The following LGR4 variants were observed in gnomAD, a reference collection of about 807,000 sequenced individuals.
LGR4 encodes leucine rich repeat containing G protein-coupled receptor 4.
In LGR4, 44 loss-of-function variants were observed where a neutral mutation model predicts 84.8. The ratio of observed to expected loss-of-function variants is 0.52; its 90% CI spans 0.41 to 0.67. The LOEUF (loss-of-function observed/expected upper bound fraction) is 0.67. Among genes scored for constraint, LGR4 ranks in the 30% least tolerant of loss-of-function variants. LGR4 has a pLI of 0.00. For synonymous variants in LGR4, 429 were observed against 434.3 expected, an observed-to-expected ratio of 0.99 and a Z score of 0.15; for missense variants, 1,032 against 1,131.4, an observed-to-expected ratio of 0.91 and a Z score of 1.26.
intron 11 of LGR4, 30 bp from the exon 12 acceptor site, chr11:27,377,253 G>T: frequency 8.8e-7 from 1 of 1,134,208 alleles, no homozygotes; most frequent in Non-Finnish European, 1.3e-6. Context: ...ACAAATTAAT[G>T]CTATGTTATC....
chr11:27,398,376 A>G (rs961536117), intron 2 of LGR4, among the ~76,000 whole-genome samples: 1 of 152,228 alleles, frequency 6.6e-6, no homozygotes, highest in African/African-American at 2.4e-5. Flanking sequence ...CAAGTGTGAA[A>G]TAGAGAATTT....
intron 2 of LGR4, among the ~76,000 whole-genome samples, chr11:27,406,062 A>G (rs1203992978): frequency 6.6e-6 from 1 of 151,956 alleles, no homozygotes; most frequent in Non-Finnish European, 1.5e-5. Flanking sequence ...CAACCAAACC[A>G]ACCATTTTTA....
intron 1 of LGR4, among the ~76,000 whole-genome samples, chr11:27,435,037 A>T (rs1338696620): frequency 3.9e-5 from 6 of 152,144 alleles, no homozygotes; most frequent in African/African-American, 1.4e-4. Flanking sequence ...CTGACGAGCT[A>T]CTTATAGATA....
chr11:27,450,549 G>A (rs1020271068), intron 1 of LGR4, among the ~76,000 whole-genome samples: 2 of 152,106 alleles, frequency 1.3e-5, no homozygotes, highest in African/African-American at 4.8e-5. Context: ...AGTACTTTGA[G>A]AAGCCGAGGT....
rs1466944806 is a variant in LGR4 at position 27,368,380 on chromosome 11, T to C, written c.2343A>G (p.Ile781Met). 1.9e-6 allele frequency: 3 copies of C among 1,614,152 alleles called. No individual in the cohort carries two copies. Among genetic ancestry groups the C allele is most frequent in the Non-Finnish European group, 1.7e-6 (2 of 1,180,030 alleles). ...AAAATATCAGAGTAACAGACTTCATTATTTCGGGGCTGATAGAGATTGCAG... is the reference window on the plus strand; with the variant it reads ...AAAATATCAGAGTAACAGACTTCATCATTTCGGGGCTGATAGAGATTGCAG... ...LITAISISPE[I>M]MKSVTLIFFP... The change falls in exon 18 of 18, where the codon ATA (isoleucine) becomes ATG (methionine). Residue 781 changes from isoleucine to methionine, a missense_variant. By Grantham distance (10) the Ile-to-Met change is conservative. Coordinates refer to ENST00000379214, the MANE Select transcript of LGR4 (RefSeq NM_018490.5).
chr11:27,469,632 A>T (rs979363134), intron 1 of LGR4, among the ~76,000 whole-genome samples: 6 of 152,230 alleles, frequency 3.9e-5, no homozygotes, highest in African/African-American at 1.4e-4. Flanking sequence ...GAAGAAAATG[A>T]AGAACTCTGA....
At chr11:27,372,254 G>C (rs1862898304) in intron 16 of LGR4, 29 bp downstream of exon 16, 1 of 1,224,276 alleles carries the variant, frequency 8.2e-7, no homozygotes, top group Non-Finnish European at 1.2e-6. Context: ...TTAAAGGAGT[G>C]TTCTATTTTT....
chr11:27,448,208 C>T (rs1864424212), intron 1 of LGR4, among the ~76,000 whole-genome samples: 1 of 151,806 alleles, frequency 6.6e-6, no homozygotes, highest in African/African-American at 2.4e-5. Context: ...CTAGTAAGAC[C>T]TAGTTTAATA....
At chr11:27,370,561 A>T (rs1320081462) in intron 17 of LGR4, among the ~76,000 whole-genome samples, 2 of 152,130 alleles carry the variant, frequency 1.3e-5, no homozygotes, top group Non-Finnish European at 2.9e-5. Flanking sequence ...CAAGCACATC[A>T]GTGTCTGTGT....
At chr11:27,400,870 G>T (rs1335555309) in intron 2 of LGR4, among the ~76,000 whole-genome samples, 1 of 152,018 alleles carries the variant, frequency 6.6e-6, no homozygotes, top group Non-Finnish European at 1.5e-5. Context: ...GAATAAAGAG[G>T]GCTAACAACT....
intron 1 of LGR4, among the ~76,000 whole-genome samples, chr11:27,455,854 C>T (rs1432171199): frequency 6.6e-6 from 1 of 152,162 alleles, no homozygotes; most frequent in East Asian, 1.9e-4. Flanking sequence ...GTAATAAGTC[C>T]TCACTTGCCA....
chr11:27,421,427 G>A (rs1554968331), intron 1 of LGR4, among the ~76,000 whole-genome samples: 2 of 152,286 alleles, frequency 1.3e-5, no homozygotes. Flanking sequence ...TAAGAAAGAC[G>A]CATGACTTCA....
intron 1 of LGR4, among the ~76,000 whole-genome samples, chr11:27,469,596 C>T (rs968944962): frequency 6.6e-6 from 1 of 152,188 alleles, no homozygotes; most frequent in African/African-American, 2.4e-5. Context: ...GAAAGCACTA[C>T]TCCAGGACAA....
chr11:27,376,939 C>G (rs1291087966), intron 12 of LGR4, among the ~76,000 whole-genome samples: 2 of 152,030 alleles, frequency 1.3e-5, no homozygotes. Flanking sequence ...ACTTCCAACT[C>G]CCCCCCGCAT....
At chr11:27,385,574 T>G (rs2133373510) in intron 4 of LGR4, 106 bp from the exon 5 acceptor site, 3 of 669,398 alleles carry the variant, frequency 4.5e-6, no homozygotes, top group Non-Finnish European at 7.3e-6. Flanking sequence ...TTATAAAAAT[T>G]ATCATCTTTA....
chr11:27,464,556 C>G (rs1020019723), intron 1 of LGR4, among the ~76,000 whole-genome samples: 1 of 152,168 alleles, frequency 6.6e-6, no homozygotes, highest in Admixed American at 6.5e-5. Flanking sequence ...TACTAAATGA[C>G]TCTGCTGTTT....
chr11:27,369,398 AAG>A (rs1862840136), intron 17 of LGR4, among the ~76,000 whole-genome samples: 1 of 152,108 alleles, frequency 6.6e-6, no homozygotes, highest in Admixed American at 6.5e-5. Flanking sequence ...ATATTTGATA[AAG>A]AGTGATATTT....
At chr11:27,402,579 A>G (rs1863524355) in intron 2 of LGR4, among the ~76,000 whole-genome samples, 1 of 152,180 alleles carries the variant, frequency 6.6e-6, no homozygotes, top group Admixed American at 6.5e-5. Context: ...TTAACTGCCT[A>G]AATGATAACT....
At chr11:27,379,761 CAA>C (rs1863056248) in intron 10 of LGR4, among the ~76,000 whole-genome samples, 3 of 152,206 alleles carry the variant, frequency 2.0e-5, no homozygotes, top group African/African-American at 4.8e-5. Context: ...CTTGTCATTT[CAA>C]AGTCTAATAC....
Sources: gnomAD v4.1 joint callset for allele counts (sites outside exome capture counted in the v4.1 genomes callset) on GRCh38, gnomAD v4.1.1 for gene constraint, MANE v1.5 for transcripts, NCBI Gene and HGNC (gene_info 2026-07-23, HGNC 2026-07-21) for gene names.